The following CADM2 variants were observed in gnomAD, a reference collection of about 807,000 sequenced individuals.
CADM2 encodes the protein immunoglobulin superfamily member 4D.
A neutral mutation model predicts 49.8 loss-of-function variants in CADM2; 12 were observed. The ratio of observed to expected loss-of-function variants is 0.24; its 90% CI spans 0.15 to 0.39. CADM2 has a LOEUF of 0.39. Ranked by LOEUF, CADM2 falls within the 10% of genes least tolerant of loss-of-function variation. The pLI is 1.00. For missense variants in CADM2, 378 were observed against 492.3 expected, an observed-to-expected ratio of 0.77 and a Z score of 2.20; for synonymous variants, 214 against 175.4, an observed-to-expected ratio of 1.22 and a Z score of -1.74.
intron 1 of CADM2, among the ~76,000 whole-genome samples, chr3:85,215,020 A>G (rs543871230): frequency 3.9e-5 from 6 of 152,092 alleles, no homozygotes; most frequent in Non-Finnish European, 7.4e-5. Context: ...TTCCCTAAGC[A>G]GAAGGAGTCT....
At chr3:85,293,078 A>C (rs2043849103) in intron 1 of CADM2, among the ~76,000 whole-genome samples, 1 of 152,236 alleles carries the variant, frequency 6.6e-6, no homozygotes, top group South Asian at 2.1e-4. Context: ...AGAATCAAAT[A>C]GACATAATAA....
At chr3:85,028,066 T>TC (rs2034814016) in intron 1 of CADM2, among the ~76,000 whole-genome samples, 1 of 152,226 alleles carries the variant, frequency 6.6e-6, no homozygotes, top group Non-Finnish European at 1.5e-5. Flanking sequence ...ACCCTTGTAT[T>TC]CATAGGATAT....
intron 1 of CADM2, among the ~76,000 whole-genome samples, chr3:85,336,028 C>T (rs2045070351): frequency 6.6e-6 from 1 of 151,456 alleles, no homozygotes; most frequent in Non-Finnish European, 1.5e-5. Context: ...CATATTGGTC[C>T]TGTGAACCCC....
intron 8 of CADM2, among the ~76,000 whole-genome samples, chr3:86,060,110 A>G (rs1738440321): frequency 6.6e-6 from 1 of 152,146 alleles, no homozygotes; most frequent in Non-Finnish European, 1.5e-5. Flanking sequence ...AATTTCTTCA[A>G]AAGTTATGTT....
At position 85,057,518 on chromosome 3, in the gene CADM2, T is replaced by C. The variant is rs1217499478; in HGVS notation, c.61+97850T>C. On this transcript the variant is annotated intron_variant, in intron 1 of 9. Coordinates refer to ENST00000383699, the MANE Select transcript of CADM2 (RefSeq NM_001167675.2). ...CTTTGATGTTAGTTACTAACTTTGATGTTAGTTACTATTTAAATATAGAAT... is the reference window on the plus strand; with the variant it reads ...CTTTGATGTTAGTTACTAACTTTGACGTTAGTTACTATTTAAATATAGAAT... Among the ~76,000 whole-genome samples the C allele has an allele frequency of 2.0e-5, 3 of 152,112 alleles. 1 individual carries two copies. The highest frequency in any genetic ancestry group is 7.2e-5 in the African/African-American group (3 of 41,448).
intron 1 of CADM2, among the ~76,000 whole-genome samples, chr3:85,693,094 C>CA (rs2066435909): frequency 6.6e-6 from 1 of 151,734 alleles, no homozygotes; most frequent in Middle Eastern, 3.2e-3. Context: ...ACTAAAAATA[C>CA]AAAAATTAGC....
chr3:85,528,717 A>T (rs2061229300), intron 1 of CADM2, among the ~76,000 whole-genome samples: 1 of 152,166 alleles, frequency 6.6e-6, no homozygotes. Flanking sequence ...CTTGGTTAAA[A>T]GCATACCAGA....
At chr3:85,876,858 C>G (rs13320610) in intron 3 of CADM2, among the ~76,000 whole-genome samples, 25,880 of 152,016 alleles carry the variant, frequency 0.17, 2,236 homozygotes, top group East Asian at 0.21. Flanking sequence ...ATGCTGGTAC[C>G]TTTTGTTAGA....
intron 7 of CADM2, among the ~76,000 whole-genome samples, chr3:85,938,235 T>G (rs923194496): frequency 6.6e-6 from 1 of 152,036 alleles, no homozygotes; most frequent in Non-Finnish European, 1.5e-5. Flanking sequence ...TTTCCAACAG[T>G]GCCAGATGAG....
chr3:85,518,111 A>G (rs1047110487), intron 1 of CADM2, among the ~76,000 whole-genome samples: 6 of 152,066 alleles, frequency 3.9e-5, no homozygotes, highest in African/African-American at 1.2e-4. Flanking sequence ...GGTTCAAGCA[A>G]TTCTCCTGCC....
chr3:85,964,820 T>G (rs1725277378), intron 8 of CADM2, among the ~76,000 whole-genome samples: 1 of 151,832 alleles, frequency 6.6e-6, no homozygotes, highest in African/African-American at 2.4e-5. Flanking sequence ...ATAATTATAC[T>G]AATTAATTCC....
rs868137155 is a variant in CADM2 at position 85,202,496 on chromosome 3, G to A, written c.61+242828G>A. 2.6e-5 allele frequency among the ~76,000 whole-genome samples: 4 copies of A among 152,074 alleles called. No homozygotes were observed. In the South Asian group the frequency reaches 6.2e-4, roughly 24 times the overall value. ...TGAGAAGAAATATTTTTTTCTCCAA[G>A]CAGTAGGTCTCAACAGTGGGCTTAA... On this transcript the variant is annotated intron_variant, in intron 1 of 9. Coordinates refer to ENST00000383699, the MANE Select transcript of CADM2 (RefSeq NM_001167675.2).
chr3:85,315,956 A>G (rs770456629), intron 1 of CADM2, among the ~76,000 whole-genome samples: 1 of 152,156 alleles, frequency 6.6e-6, no homozygotes, highest in Non-Finnish European at 1.5e-5. Flanking sequence ...GAAGGAAGAC[A>G]TTTAAAAGAA....
chr3:85,677,654 A>G (rs1404870648), intron 1 of CADM2, among the ~76,000 whole-genome samples: 1 of 152,218 alleles, frequency 6.6e-6, no homozygotes, highest in African/African-American at 2.4e-5. Flanking sequence ...CAAAATGTAT[A>G]GTTAAATAAT....
intron 1 of CADM2, among the ~76,000 whole-genome samples, chr3:85,498,868 T>G (rs1470713931): frequency 6.6e-6 from 1 of 152,144 alleles, no homozygotes; most frequent in African/African-American, 2.4e-5. Context: ...GGGAATTAAC[T>G]GTGTACAATA....
chr3:85,379,001 A>G (rs1225940807), intron 1 of CADM2, among the ~76,000 whole-genome samples: 1 of 152,056 alleles, frequency 6.6e-6, no homozygotes, highest in Non-Finnish European at 1.5e-5. Flanking sequence ...AGTATATGTA[A>G]TGTATCATAA....
intron 3 of CADM2, among the ~76,000 whole-genome samples, chr3:85,835,766 T>TATA (rs2074384074): frequency 6.8e-6 from 1 of 147,098 alleles, no homozygotes; most frequent in Non-Finnish European, 1.5e-5. Flanking sequence ...TATAATATAA[T>TATA]ATATATATAT....
At chr3:85,438,456 G>T (rs74713571) in intron 1 of CADM2, among the ~76,000 whole-genome samples, 1,767 of 152,034 alleles carry the variant, frequency 0.012, 28 homozygotes, top group African/African-American at 0.041. Flanking sequence ...CAAAGTTATG[G>T]TTAGTGATTC....
At chr3:85,835,449 C>T (rs930641296) in intron 3 of CADM2, among the ~76,000 whole-genome samples, 5 of 150,900 alleles carry the variant, frequency 3.3e-5, no homozygotes, top group African/African-American at 1.2e-4. Flanking sequence ...CTTCAAGAAG[C>T]TTTGCTATGT....
Sources: gnomAD v4.1 joint callset for allele counts (sites outside exome capture counted in the v4.1 genomes callset) on GRCh38, gnomAD v4.1.1 for gene constraint, MANE v1.5 for transcripts, NCBI Gene and HGNC (gene_info 2026-07-23, HGNC 2026-07-21) for gene names.